FOCAD: variants seen among roughly 807,000 people sequenced by gnomAD.
The protein encoded by FOCAD is focadhesin.
Under a neutral mutation model 225.6 loss-of-function variants are expected in FOCAD, and 198 were observed. That is an observed-to-expected ratio of 0.88 (90% CI 0.78 to 0.99). FOCAD has a LOEUF of 0.99. Ranked by LOEUF, FOCAD falls within the 50% of genes least tolerant of loss-of-function variation. The probability of loss-of-function intolerance (pLI) is 0.00; values close to 1 mark genes in which losing one functional copy is unlikely to be tolerated. For synonymous variants in FOCAD, 897 were observed against 755.0 expected, an observed-to-expected ratio of 1.19 and a Z score of -3.08; for missense variants, 2,713 against 2,123.6, an observed-to-expected ratio of 1.28 and a Z score of -5.46.
intron 2 of FOCAD, among the ~76,000 whole-genome samples, chr9:20,677,705 G>C (rs1822276627): frequency 6.6e-6 from 1 of 151,848 alleles, no homozygotes; most frequent in Admixed American, 6.6e-5. Context: ...AGGATGTGGA[G>C]AAAAGGGAAC....
chr9:20,893,741 T>C (rs1831832501), intron 21 of FOCAD, among the ~76,000 whole-genome samples: 1 of 152,088 alleles, frequency 6.6e-6, no homozygotes, highest in African/African-American at 2.4e-5. Context: ...ACAGCAAAAT[T>C]GAGAGCAATG....
chr9:20,899,620 G>A (rs1290438744), intron 21 of FOCAD, among the ~76,000 whole-genome samples: 4 of 151,790 alleles, frequency 2.6e-5, no homozygotes, highest in Non-Finnish European at 5.9e-5. Flanking sequence ...AGAAACCTTC[G>A]CTTTCCATAT....
chr9:20,780,392 T>C (rs891009889), intron 9 of FOCAD, among the ~76,000 whole-genome samples: 6 of 152,240 alleles, frequency 3.9e-5, no homozygotes, highest in Admixed American at 1.3e-4. Context: ...AAGAGAAAGA[T>C]AATACAGTAT....
intron 5 of FOCAD, among the ~76,000 whole-genome samples, chr9:20,751,811 C>T (rs917748495): frequency 2.0e-5 from 3 of 147,594 alleles, no homozygotes; most frequent in African/African-American, 4.9e-5. Context: ...ACATCCTCTC[C>T]AGCACCTGTT....
intron 11 of FOCAD, among the ~76,000 whole-genome samples, chr9:20,796,211 C>T (rs200625131): frequency 2.6e-5 from 4 of 152,100 alleles, no homozygotes; most frequent in African/African-American, 9.7e-5. Flanking sequence ...ATCCAGTCCA[C>T]CGTTGTTGGA....
chr9:20,695,948 A>G (rs1432687932), intron 1 of FOCAD, among the ~76,000 whole-genome samples: 1 of 152,282 alleles, frequency 6.6e-6, no homozygotes. Flanking sequence ...TACAGTCTGC[A>G]TGTGGCATCC....
chr9:20,688,248 T>C (rs1450534564), intron 1 of FOCAD, among the ~76,000 whole-genome samples: 1 of 152,140 alleles, frequency 6.6e-6, no homozygotes, highest in African/African-American at 2.4e-5. Flanking sequence ...AAGGCAGACA[T>C]TTGCATTACA....
intron 2 of FOCAD, among the ~76,000 whole-genome samples, chr9:20,665,063 G>A (rs1219917389): frequency 6.6e-6 from 1 of 152,068 alleles, no homozygotes; most frequent in Non-Finnish European, 1.5e-5. Context: ...ATAAACCAGG[G>A]TAGAGTACTC....
rs1220802156 is a variant in FOCAD, at chr9:20,949,666, C to T, written c.3939C>T (p.Thr1313=). The change falls in exon 33 of 44, where the codon ACC becomes ACT. Residue 1313 remains threonine, a synonymous_variant. Coordinates refer to ENST00000338382, the MANE Select transcript of FOCAD (RefSeq NM_001375567.1). ...GCAGACTTAATGAAGTCATTAGAAC[C>T]TTAACTCAGGTGAGAAAATGAATTT... The part of the protein sequence containing the change: ...FQGRLNEVIR[T]LTQVISVSGV... 1.2e-6 allele frequency: 2 copies of T among 1,612,230 alleles called. No individual in the cohort carries two copies. The highest frequency in any genetic ancestry group is 3.3e-5 in the Admixed American group (2 of 59,980).
upstream of FOCAD, chr9:20,683,670 C>T (rs1822479634): frequency 6.6e-6 from 1 of 152,292 alleles, no homozygotes; most frequent in Non-Finnish European, 1.5e-5. Flanking sequence ...AGAACTACCT[C>T]AGGACTATCT....
Position 20,720,603 on chromosome 9 carries a change from A to G in FOCAD, c.287+69A>G, listed in dbSNP as rs764396092. 79 of 1,475,390 alleles carry G rather than the reference A, an allele frequency of 5.4e-5. 1 individual carries two copies. Among genetic ancestry groups the G allele is most frequent in the Middle Eastern group, 3.5e-4 (2 of 5,652 alleles). The allele number at this position is 1,475,390 out of a possible 1,614,324, so 91.4% of individuals were successfully genotyped here. A position where few individuals can be genotyped will look rare whatever the true frequency, so the allele number is the denominator to read the frequency against. On this transcript the variant is annotated intron_variant, in intron 4 of 43. Transcript: ENST00000338382. ...TAGGAAAAAAATTCACTAAATCACTATTAAGAGTCAGCATTCATCCTACTT... is the reference window on the plus strand; with the variant it reads ...TAGGAAAAAAATTCACTAAATCACTGTTAAGAGTCAGCATTCATCCTACTT...
At chr9:20,980,227 A>G (rs1564236734) in intron 37 of FOCAD, among the ~76,000 whole-genome samples, 1 of 152,076 alleles carries the variant, frequency 6.6e-6, no homozygotes, top group East Asian at 1.9e-4. Flanking sequence ...TCTGAGAGAT[A>G]CATTTTATTA....
chr9:20,829,331 A>T (rs78022525), intron 15 of FOCAD, among the ~76,000 whole-genome samples: 4,029 of 152,140 alleles, frequency 0.026, 64 homozygotes, highest in Middle Eastern at 0.048. Flanking sequence ...TGCCATCCTG[A>T]CTGGCATGAG....
chr9:20,825,258 C>T (rs1305666961), intron 15 of FOCAD, among the ~76,000 whole-genome samples: 2 of 151,728 alleles, frequency 1.3e-5, no homozygotes, highest in Non-Finnish European at 2.9e-5. Context: ...TATTCACCAG[C>T]TCTTGCCAGG....
At position 20,781,721 on chromosome 9, in the gene FOCAD, G is replaced by T; in HGVS notation, c.995-6G>T. The T allele has an allele frequency of 6.2e-7, 1 of 1,612,574 alleles. No homozygotes were observed. The highest frequency in any genetic ancestry group is 1.1e-5 in the South Asian group (1 of 90,950). ...TAAAAATGTGCATTATTGTTTTGAT[G>T]AATAGCTTTGAAGCTCCTCTCTGTT... is the stretch of plus-strand genomic sequence containing the variant. On this transcript the variant is annotated splice_polypyrimidine_tract_variant and splice_region_variant and intron_variant, in intron 9 of 43. Coordinates refer to ENST00000338382, the MANE Select transcript of FOCAD (RefSeq NM_001375567.1).
intron 5 of FOCAD, among the ~76,000 whole-genome samples, chr9:20,742,422 C>A (rs1470574903): frequency 6.6e-6 from 1 of 150,764 alleles, no homozygotes; most frequent in Non-Finnish European, 1.5e-5. Flanking sequence ...TCTTGTCTAA[C>A]AGGCTCCCAG....
Position 20,986,329 on chromosome 9 carries a change from C to A in FOCAD, c.4770C>A (p.Val1590=). The part of the protein sequence containing the change: ...EKAAFVKLYL[V]SQGRFPLVNL... ...CTGCCTTTGTCAAACTGTACTTAGT[C>A]TCTCAAGGACGATTCCCCTTGGTGA... Residue 1590 remains valine, a synonymous_variant, in exon 40 of 44, where the codon GTC becomes GTA. Transcript: ENST00000338382. 7.0e-7 allele frequency: 1 copy of A among 1,435,428 alleles called. No homozygotes were observed. Among genetic ancestry groups the A allele is most frequent in the South Asian group, 1.1e-5 (1 of 88,058 alleles). The allele number at this position is 1,435,428 out of a possible 1,614,324, so 88.9% of individuals were successfully genotyped here.
At chr9:20,927,256 C>T (rs1191799400) in intron 26 of FOCAD, among the ~76,000 whole-genome samples, 1 of 152,118 alleles carries the variant, frequency 6.6e-6, no homozygotes, top group African/African-American at 2.4e-5. Context: ...GCAATTCACT[C>T]AACCTCTTTG....
intron 2 of FOCAD, among the ~76,000 whole-genome samples, chr9:20,669,007 A>G (rs1321998659): frequency 6.6e-6 from 1 of 152,096 alleles, no homozygotes; most frequent in Non-Finnish European, 1.5e-5. Context: ...TTGCCCTGTG[A>G]CTTCCATAGG....
Sources: gnomAD v4.1 joint callset for allele counts (sites outside exome capture counted in the v4.1 genomes callset) on GRCh38, gnomAD v4.1.1 for gene constraint, MANE v1.5 for transcripts, NCBI Gene and HGNC (gene_info 2026-07-23, HGNC 2026-07-21) for gene names.